POLQ: variants seen among roughly 807,000 people sequenced by gnomAD.
POLQ encodes epididymis secretory sperm binding protein.
A neutral mutation model predicts 259.2 loss-of-function variants in POLQ; 233 were observed. The ratio of observed to expected loss-of-function variants is 0.90; its 90% CI spans 0.81 to 1.00. The LOEUF (loss-of-function observed/expected upper bound fraction) is 1.00, where lower values mean the gene tolerates loss of function less well. Among genes scored for constraint, POLQ ranks in the 50% least tolerant of loss-of-function variants. POLQ has a pLI of 0.00. For synonymous variants in POLQ, 1,025 were observed against 1,048.8 expected (o/e 0.98, Z 0.44); for missense variants, 2,871 against 3,051.6 (o/e 0.94, Z 1.39).
intron 24 of POLQ, among the ~76,000 whole-genome samples, chr3:121,466,468 A>C (rs1576407013): frequency 6.6e-6 from 1 of 151,892 alleles, no homozygotes; most frequent in East Asian, 1.9e-4. Context: ...AGGCAGGCGG[A>C]TCACCTGAAG....
chr3:121,467,962 G>A (rs2047852307), intron 23 of POLQ, among the ~76,000 whole-genome samples: 1 of 152,186 alleles, frequency 6.6e-6, no homozygotes, highest in Non-Finnish European at 1.5e-5. Flanking sequence ...GAGCCCAGGA[G>A]GTGGAGGTTG....
At chr3:121,509,536 A>G in intron 12 of POLQ, 25 bp downstream of exon 12, 1 of 1,581,246 alleles carries the variant, frequency 6.3e-7, no homozygotes, top group Non-Finnish European at 8.6e-7. Context: ...ATTTTCACAA[A>G]CATAATTGTT....
rs1198414192 is a variant in POLQ at position 121,488,480 on chromosome 3, T to C, written c.4451A>G (p.Asn1484Ser). The change falls in exon 16 of 30, where the codon AAT becomes AGT. Residue 1484 changes from asparagine to serine, a missense_variant. Coordinates refer to ENST00000264233, the MANE Select transcript of POLQ (RefSeq NM_199420.4). ...ECLPVPETSL[N>S]MSDSLLFDSF... ...ATCAAATAGTAAACTATCACTCATATTCAAACTTGTTTCAGGAACTGGAAG... is the reference window on the plus strand; with the variant it reads ...ATCAAATAGTAAACTATCACTCATACTCAAACTTGTTTCAGGAACTGGAAG... The C allele has an allele frequency of 6.8e-6, 11 of 1,608,578 alleles. No individual in the cohort carries two copies. The highest frequency in any genetic ancestry group is 9.3e-6 in the Non-Finnish European group (11 of 1,178,076).
intron 6 of POLQ, among the ~76,000 whole-genome samples, chr3:121,530,713 A>G (rs2048405112): frequency 6.6e-6 from 1 of 152,210 alleles, no homozygotes; most frequent in Non-Finnish European, 1.5e-5. Context: ...TACTGGAAGT[A>G]TGTCAATGTA....
rs769772326 is a variant in POLQ, at chr3:121,481,552, G to C, written c.6211+20C>G. 3.2e-6 allele frequency: 5 copies of C among 1,565,044 alleles called. No homozygotes were observed. Among genetic ancestry groups the C allele is most frequent in the Non-Finnish European group, 4.3e-6 (5 of 1,154,828 alleles). ...TATCTCTAATCTATAACATAAAAAT[G>C]CCAGAAACTTGGTTTTTACCTTGAA... is the stretch of plus-strand genomic sequence containing the variant. On this transcript the variant is annotated intron_variant, in intron 19 of 29. Coordinates refer to ENST00000264233, the MANE Select transcript of POLQ (RefSeq NM_199420.4).
intron 7 of POLQ, among the ~76,000 whole-genome samples, chr3:121,523,232 CTGGTTTCA>C (rs989473451): frequency 7.9e-5 from 12 of 151,980 alleles, no homozygotes; most frequent in African/African-American, 2.9e-4. Context: ...GTTGCCCAGG[CTGGTTTCA>C]AATTCCTGGG....
At chr3:121,439,455 A>G (rs1157167217) in intron 27 of POLQ, among the ~76,000 whole-genome samples, 1 of 151,902 alleles carries the variant, frequency 6.6e-6, no homozygotes. Flanking sequence ...CTGGTCTCAA[A>G]CTCCTGGGCG....
intron 22 of POLQ, among the ~76,000 whole-genome samples, chr3:121,469,331 A>AT (rs2047865186): frequency 6.6e-6 from 1 of 152,068 alleles, no homozygotes; most frequent in Non-Finnish European, 1.5e-5. Context: ...TGTTACTGTG[A>AT]TTTTTTATAA....
chr3:121,450,197 CTGTT>C (rs1180625700), intron 25 of POLQ, among the ~76,000 whole-genome samples: 6 of 152,084 alleles, frequency 3.9e-5, no homozygotes, highest in African/African-American at 1.4e-4. Context: ...TTACTTATAA[CTGTT>C]TAGGAAACTG....
chr3:121,478,576 TAAA>T lies in POLQ; in HGVS notation c.6212-1846_6212-1844del, dbSNP rs143898506. On this transcript the variant is annotated intron_variant, in intron 19 of 29. Coordinates refer to ENST00000264233, the MANE Select transcript of POLQ (RefSeq NM_199420.4). ...GAATCACAATAAATTGGCAAATTTGTAAAAAAAAAAAAAAAAAAAAAAAAGTTA... is the reference window on the plus strand; with the variant it reads ...GAATCACAATAAATTGGCAAATTTGTAAAAAAAAAAAAAAAAAAAAAGTTA... Among the ~76,000 whole-genome samples, 192 of 77,376 alleles carry T rather than the reference TAAA, an allele frequency of 2.5e-3. 1 individual carries two copies. Among genetic ancestry groups the T allele is most frequent in the Middle Eastern group, 0.016 (1 of 64 alleles). 50.8% of individuals were successfully genotyped at this position (77,376 alleles called of 152,430 possible).
chr3:121,511,955 C>T lies in POLQ; in HGVS notation c.1543G>A (p.Val515Ile), dbSNP rs200177560. 6.2e-7 allele frequency: 1 copy of T among 1,613,752 alleles called. No individual in the cohort carries two copies. The highest frequency in any genetic ancestry group is 2.2e-5 in the East Asian group (1 of 44,882). ...IALLQGSLKP[V>I]RSCLQRREGE... ...TCTCGTCTTTGCAGACAGCTGCGAACAGGCTTTAGAGAACCCTGAAGGAGA... is the reference window on the plus strand; with the variant it reads ...TCTCGTCTTTGCAGACAGCTGCGAATAGGCTTTAGAGAACCCTGAAGGAGA... Residue 515 changes from valine (V) to isoleucine (I), a missense_variant, in exon 10 of 30, where the codon GTT (valine) becomes ATT (isoleucine). Val to Ile is a conservative substitution (Grantham distance 29, BLOSUM62 3). Around this residue, in one of 3 missense-constraint regions of POLQ, gnomAD observed 783 missense variants for 906.2 expected, o/e 0.86. Transcript: ENST00000264233.
chr3:121,443,157 AT>A (rs1000083308), intron 26 of POLQ, among the ~76,000 whole-genome samples: 40 of 89,954 alleles, frequency 4.4e-4, no homozygotes, highest in African/African-American at 1.4e-3. Context: ...TGCCCAGCCT[AT>A]TTTTAGTTTG....
chr3:121,443,881 A>C (rs1459685739), intron 26 of POLQ, among the ~76,000 whole-genome samples: 7 of 152,158 alleles, frequency 4.6e-5, no homozygotes, highest in Non-Finnish European at 1.5e-5. Flanking sequence ...CCTTTATTGA[A>C]AATGAGTTCA....
chr3:121,446,556 T>C (rs1238504966), intron 26 of POLQ, among the ~76,000 whole-genome samples: 2 of 150,610 alleles, frequency 1.3e-5, no homozygotes, highest in Admixed American at 1.3e-4. Flanking sequence ...ATTATTGGGA[T>C]CTCTCTCTCT....
At position 121,433,234 on chromosome 3, in the gene POLQ, A is replaced by G. The variant is rs56276504; in HGVS notation, c.7544-201T>C. Among the ~76,000 whole-genome samples the G allele has an allele frequency of 2.0e-5, 3 of 152,312 alleles. No homozygotes were observed. In the East Asian group the frequency reaches 5.8e-4, roughly 29 times the overall value. On this transcript the variant is annotated intron_variant, in intron 28 of 29. Coordinates refer to ENST00000264233, the MANE Select transcript of POLQ (RefSeq NM_199420.4). ...TAAACTCACAAACTTCCTCCTAGAA[A>G]GAAGGAGTCTCCCAAAGAAGTCAGT...
intron 21 of POLQ, among the ~76,000 whole-genome samples, 199 bp downstream of exon 21, chr3:121,473,151 C>T (rs891884462): frequency 6.6e-6 from 1 of 152,254 alleles, no homozygotes; most frequent in Non-Finnish European, 1.5e-5. Context: ...CAACTGCTAA[C>T]TTATGATTCG....
chr3:121,508,020 T>TA (rs2048223289), intron 12 of POLQ, among the ~76,000 whole-genome samples: 1 of 149,966 alleles, frequency 6.7e-6, no homozygotes, highest in Non-Finnish European at 1.5e-5. Context: ...TACACAATTT[T>TA]TTTTTTTTTT....
Position 121,449,383 on chromosome 3 carries a change from C to T in POLQ, c.7196G>A (p.Gly2399Glu). The change falls in exon 26 of 30, where the codon GGA becomes GAA. Residue 2399 changes from glycine to glutamate, a missense_variant. Gly to Glu is a moderately conservative substitution (Grantham distance 98, BLOSUM62 -2). This residue lies in a region of POLQ where 2,080 missense variants were observed against 2,126.0 expected (regional missense o/e 0.98). Transcript: ENST00000264233. ...ATTTTCTTTAATGCCCATCTGCTCT[C>T]CCAAAGATTTAGCTCCCATTCCATA... is the stretch of plus-strand genomic sequence containing the variant. ...IIYGMGAKSL[G>E]EQMGIKENDA... 4 of 1,607,542 alleles carry T rather than the reference C, an allele frequency of 2.5e-6. No individual in the cohort carries two copies. The highest frequency in any genetic ancestry group is 2.6e-6 in the Non-Finnish European group (3 of 1,174,114).
intron 19 of POLQ, among the ~76,000 whole-genome samples, chr3:121,479,664 G>T (rs1017105098): frequency 6.6e-6 from 1 of 151,938 alleles, no homozygotes; most frequent in Non-Finnish European, 1.5e-5. Context: ...TGTTGGCCAG[G>T]CTGGTCTCAA....
Sources: gnomAD v4.1 joint callset for allele counts (sites outside exome capture counted in the v4.1 genomes callset) on GRCh38, gnomAD v4.1.1 for gene constraint, gnomAD v4.1.1 regional missense constraint, MANE v1.5 for transcripts, NCBI Gene and HGNC (gene_info 2026-07-23, HGNC 2026-07-21) for gene names.